KCTD1: variants seen among roughly 807,000 people sequenced by gnomAD.
KCTD1 encodes the protein potassium channel tetramerization domain containing 1.
In KCTD1, 24 loss-of-function variants were observed where a neutral mutation model predicts 66.0. That is an observed-to-expected ratio of 0.36 (90% confidence interval 0.26 to 0.51). The LOEUF is 0.51. Among genes scored for constraint, KCTD1 ranks in the 20% least tolerant of loss-of-function variants. The pLI is 0.95. For synonymous variants in KCTD1, 511 were observed against 517.2 expected, an observed-to-expected ratio of 0.99 and a Z score of 0.16; for missense variants, 943 against 1,205.2, an observed-to-expected ratio of 0.78 and a Z score of 3.22.
intron 1 of KCTD1, among the ~76,000 whole-genome samples, chr18:26,514,814 T>G (rs1409641287): frequency 6.6e-6 from 1 of 152,254 alleles, no homozygotes; most frequent in African/African-American, 2.4e-5. Context: ...CAATAGTGCC[T>G]GCAGCTGAAC....
At chr18:26,471,860 T>A (rs145303624) in intron 3 of KCTD1, among the ~76,000 whole-genome samples, 1 of 151,878 alleles carries the variant, frequency 6.6e-6, no homozygotes, top group South Asian at 2.1e-4. Context: ...TGGGAGGGGG[T>A]AGACCAATTG....
At chr18:26,593,886 G>T (rs1986705509) in intron 1 of KCTD1, among the ~76,000 whole-genome samples, 1 of 90,928 alleles carries the variant, frequency 1.1e-5, no homozygotes, top group Admixed American at 1.0e-4. Flanking sequence ...GGAAGATAAG[G>T]AGGAGGAGGA....
At chr18:26,523,649 T>G (rs148860250) in intron 1 of KCTD1, among the ~76,000 whole-genome samples, 6 of 152,154 alleles carry the variant, frequency 3.9e-5, no homozygotes, top group African/African-American at 1.2e-4. Context: ...TTAAAAAATT[T>G]AAAACAAAAA....
intron 1 of KCTD1, among the ~76,000 whole-genome samples, chr18:26,541,050 T>TG (rs1469893648): frequency 2.0e-5 from 3 of 151,622 alleles, no homozygotes; most frequent in Admixed American, 6.6e-5. Flanking sequence ...GCTGGTGGAG[T>TG]GGGGGTCACT....
intron 1 of KCTD1, among the ~76,000 whole-genome samples, chr18:26,605,706 C>T (rs1986995897): frequency 7.6e-6 from 1 of 131,986 alleles, no homozygotes; most frequent in Non-Finnish European, 1.6e-5. Flanking sequence ...CCCCTAAATA[C>T]ACCATATATA....
intron 1 of KCTD1, among the ~76,000 whole-genome samples, chr18:26,648,724 C>T (rs1018076908): frequency 6.6e-6 from 1 of 152,158 alleles, no homozygotes; most frequent in Non-Finnish European, 1.5e-5. Context: ...GTATTAGAGG[C>T]AGCCGCACCT....
intron 1 of KCTD1, among the ~76,000 whole-genome samples, chr18:26,513,565 C>CTATG (rs1052290347): frequency 1.3e-5 from 2 of 152,190 alleles, no homozygotes; most frequent in African/African-American, 4.8e-5. Flanking sequence ...GAGGATGCAA[C>CTATG]AACATAGAGA....
intron 1 of KCTD1, among the ~76,000 whole-genome samples, chr18:26,605,732 C>CTCTA (rs1296767116): frequency 9.3e-6 from 1 of 107,552 alleles, no homozygotes; most frequent in Admixed American, 1.1e-4. Flanking sequence ...CTATATCTAT[C>CTCTA]TATCTATCTA....
upstream of KCTD1, among the ~76,000 whole-genome samples, chr18:26,644,711 T>G (rs1219082138): frequency 6.7e-6 from 1 of 150,222 alleles, no homozygotes; most frequent in Non-Finnish European, 1.5e-5. Flanking sequence ...TGAGCTGAGA[T>G]TGCACCATTA....
At chr18:26,538,408 T>C (rs974999506) in intron 1 of KCTD1, among the ~76,000 whole-genome samples, 2 of 151,910 alleles carry the variant, frequency 1.3e-5, no homozygotes, top group Admixed American at 6.6e-5. Flanking sequence ...TTTAGGTTAA[T>C]TGTGAGAGGG....
chr18:26,455,933 G>A (rs1980062149), intron 4 of KCTD1, 32 bp from the exon 5 acceptor site: 2 of 1,604,932 alleles, frequency 1.2e-6, no homozygotes, highest in South Asian at 2.2e-5. Context: ...ATCCAGTTAG[G>A]GGTGAGGTAA....
intron 2 of KCTD1, among the ~76,000 whole-genome samples, chr18:26,485,862 T>A (rs1981890149): frequency 6.6e-6 from 1 of 152,138 alleles, no homozygotes; most frequent in Non-Finnish European, 1.5e-5. Flanking sequence ...GAGAAAAAAA[T>A]GTTAAAATAG....
chr18:26,456,919 A>ATAACT (rs1980117029), intron 4 of KCTD1: 1 of 151,588 alleles, frequency 6.6e-6, no homozygotes, highest in Admixed American at 6.6e-5. Context: ...TGATTCAATC[A>ATAACT]TAACTTAAAA....
intron 1 of KCTD1, among the ~76,000 whole-genome samples, chr18:26,532,583 G>A (rs1345980394): frequency 6.6e-6 from 1 of 152,114 alleles, no homozygotes; most frequent in Non-Finnish European, 1.5e-5. Flanking sequence ...CTGCCTCTAG[G>A]CCAGAATCTG....
At chr18:26,625,218 G>A (rs1397076466) in intron 1 of KCTD1, among the ~76,000 whole-genome samples, 1 of 152,148 alleles carries the variant, frequency 6.6e-6, no homozygotes, top group Non-Finnish European at 1.5e-5. Context: ...AATGAATTAA[G>A]ACTTTGGAGG....
At position 26,598,440 on chromosome 18, in the gene KCTD1, G is replaced by A. The variant is rs565034348; in HGVS notation, c.-16+30707C>T. On this transcript the variant is annotated intron_variant, in intron 1 of 4. Coordinates refer to the KCTD1 transcript ENST00000317932. ...AATGAACATTCATGTATAAGCTTTT[G>A]TATGGATATATGTTTTCAATTCTCT... 5.3e-5 allele frequency among the ~76,000 whole-genome samples: 8 copies of A among 149,996 alleles called. 1 individual carries two copies. The South Asian group carries it at 1.7e-3, about 32-fold the overall frequency.
At position 26,491,242 on chromosome 18, in the gene KCTD1, G is replaced by A. The variant is rs139591818; in HGVS notation, c.1988+9830C>T. On this transcript the variant is annotated intron_variant, in intron 2 of 4. Coordinates refer to ENST00000580059, the MANE Select transcript of KCTD1 (RefSeq NM_001142730.3). ...AGCAACAAGAAAGGAGGGCACAGCA[G>A]GAGGGTGGTGACTAACACAGCCATG... Among the ~76,000 whole-genome samples the A allele has an allele frequency of 2.9e-3, 435 of 152,292 alleles. 1 individual carries two copies. Among genetic ancestry groups the A allele is most frequent in the African/African-American group, 9.7e-3 (404 of 41,554 alleles).
chr18:26,595,135 A>G (rs1453381820), intron 1 of KCTD1, among the ~76,000 whole-genome samples: 2 of 152,146 alleles, frequency 1.3e-5, no homozygotes, highest in African/African-American at 4.8e-5. Context: ...CTATTTAGAC[A>G]TTAAGTTGAA....
intron 1 of KCTD1, among the ~76,000 whole-genome samples, chr18:26,509,336 G>A (rs796305465): frequency 1.3e-5 from 2 of 151,862 alleles, no homozygotes; most frequent in Non-Finnish European, 2.9e-5. Flanking sequence ...TTATTCACAG[G>A]AGCCCCCTTC....
Sources: allele counts gnomAD v4.1 joint callset (sites outside exome capture counted in the v4.1 genomes callset), GRCh38; gene constraint gnomAD v4.1.1; transcripts MANE v1.5; gene names NCBI Gene and HGNC (gene_info 2026-07-23, HGNC 2026-07-21).